Variants in NXPH1 observed in about 807,000 individuals in gnomAD.
NXPH1 encodes the protein neurexophilin 1.
Under a neutral mutation model 23.7 loss-of-function variants are expected in NXPH1, and 5 were observed. That is an observed-to-expected ratio of 0.21 (90% confidence interval 0.11 to 0.44). The LOEUF is 0.44. NXPH1 is among the 20% of genes least tolerant of loss of function. The pLI, the probability that NXPH1 is intolerant of heterozygous loss-of-function variation, is 0.99. For synonymous variants in NXPH1, 144 were observed against 122.2 expected (o/e 1.18, Z -1.18); for missense variants, 324 against 321.6 (o/e 1.01, Z -0.06).
At chr7:8,623,957 G>T (rs1819935436) in intron 2 of NXPH1, among the ~76,000 whole-genome samples, 1 of 152,030 alleles carries the variant, frequency 6.6e-6, no homozygotes, top group African/African-American at 2.4e-5. Flanking sequence ...AAAAATTTTT[G>T]AATCTAGTTT....
intron 2 of NXPH1, among the ~76,000 whole-genome samples, chr7:8,565,633 A>C (rs1187920062): frequency 6.6e-6 from 1 of 151,866 alleles, no homozygotes; most frequent in Admixed American, 6.6e-5. Flanking sequence ...TAGCAACAAA[A>C]TATTGAAATA....
At chr7:8,597,029 G>A (rs1460104717) in intron 2 of NXPH1, among the ~76,000 whole-genome samples, 1 of 152,098 alleles carries the variant, frequency 6.6e-6, no homozygotes, top group Non-Finnish European at 1.5e-5. Context: ...GTAAAGCACT[G>A]AGGATAAAGA....
intron 2 of NXPH1, among the ~76,000 whole-genome samples, chr7:8,515,448 A>G (rs1417248220): frequency 6.6e-6 from 1 of 152,150 alleles, no homozygotes; most frequent in Non-Finnish European, 1.5e-5. Flanking sequence ...TGGATACTTG[A>G]ACAGTTGGTT....
In NXPH1 at chr7:8,434,368, T is replaced by A. The variant is rs1816151176; in HGVS notation, c.-498T>A. ...GAGAGTCCTGGACTGTTCGTCCGGG[T>A]GCCAGCGCTGGCAGTCCCAGTCCGT... On this transcript the variant is annotated 5_prime_UTR_variant, in exon 1 of 3. Coordinates refer to ENST00000405863, the MANE Select transcript of NXPH1 (RefSeq NM_152745.3). This position sits in a 1 kb window ranked among gnomAD's most constrained non-coding sequence, Gnocchi z 7.6. 6.5e-6 allele frequency: 1 copy of A among 153,204 alleles called. No homozygotes were observed. The highest frequency in any genetic ancestry group is 2.4e-5 in the African/African-American group (1 of 41,444). 9.5% of individuals were successfully genotyped at this position (153,204 alleles called of 1,614,324 possible). A position where few individuals can be genotyped will look rare whatever the true frequency, so the allele number is the denominator to read the frequency against.
intron 2 of NXPH1, among the ~76,000 whole-genome samples, chr7:8,572,490 A>G (rs1030074574): frequency 2.0e-5 from 3 of 152,064 alleles, no homozygotes; most frequent in Non-Finnish European, 1.5e-5. Context: ...ACCTCATTCT[A>G]TAATCATAAT....
At chr7:8,504,578 T>A (rs949323887) in intron 2 of NXPH1, among the ~76,000 whole-genome samples, 3 of 152,044 alleles carry the variant, frequency 2.0e-5, no homozygotes, top group Non-Finnish European at 2.9e-5. Flanking sequence ...TTGTCTAAGA[T>A]TAATAGTAAA....
At chr7:8,677,441 G>A (rs1583226355) in intron 2 of NXPH1, among the ~76,000 whole-genome samples, 1 of 152,174 alleles carries the variant, frequency 6.6e-6, no homozygotes. Context: ...TTGTTAATAG[G>A]AAGAGTAGAC....
chr7:8,541,967 A>G (rs1264403901), intron 2 of NXPH1, among the ~76,000 whole-genome samples: 1 of 151,520 alleles, frequency 6.6e-6, no homozygotes. Context: ...TTAGAAAACT[A>G]ATAGCGAGAT....
intron 2 of NXPH1, among the ~76,000 whole-genome samples, chr7:8,573,955 G>A (rs1818702097): frequency 6.6e-6 from 1 of 152,080 alleles, no homozygotes; most frequent in Admixed American, 6.5e-5. Context: ...TCTATGTCAT[G>A]GAAACCTTTA....
At chr7:8,744,027 T>A (rs1020900193) in intron 2 of NXPH1, among the ~76,000 whole-genome samples, 2 of 152,172 alleles carry the variant, frequency 1.3e-5, no homozygotes, top group Non-Finnish European at 2.9e-5. Flanking sequence ...CACCATCCAA[T>A]GGTGGTTTTT....
intron 2 of NXPH1, among the ~76,000 whole-genome samples, chr7:8,581,907 A>G (rs1483122136): frequency 2.0e-5 from 3 of 152,134 alleles, no homozygotes; most frequent in South Asian, 4.1e-4. Flanking sequence ...GGCCAGTTGC[A>G]TCTTCTGCCC....
chr7:8,719,804 T>A (rs1443921702), intron 2 of NXPH1, among the ~76,000 whole-genome samples: 2 of 152,124 alleles, frequency 1.3e-5, no homozygotes, highest in African/African-American at 2.4e-5. Flanking sequence ...ACGACATAGA[T>A]CAATATAATT....
chr7:8,473,975 G>A (rs187909770), intron 2 of NXPH1, among the ~76,000 whole-genome samples: 2 of 152,262 alleles, frequency 1.3e-5, no homozygotes, highest in East Asian at 3.9e-4. Flanking sequence ...GGAGCTTGAT[G>A]AATAGCTGGA....
chr7:8,637,048 G>T (rs1820228055), intron 2 of NXPH1, among the ~76,000 whole-genome samples: 1 of 152,090 alleles, frequency 6.6e-6, no homozygotes, highest in Non-Finnish European at 1.5e-5. Flanking sequence ...ATCCTTTTGT[G>T]TACATTTTGT....
chr7:8,477,739 G>T (rs1817001446), intron 2 of NXPH1, among the ~76,000 whole-genome samples: 1 of 152,114 alleles, frequency 6.6e-6, no homozygotes, highest in Non-Finnish European at 1.5e-5. Context: ...AGTGTTTAAT[G>T]TGCTGCCTTA....
At chr7:8,649,263 T>C (rs1820450093) in intron 2 of NXPH1, among the ~76,000 whole-genome samples, 1 of 152,222 alleles carries the variant, frequency 6.6e-6, no homozygotes, top group South Asian at 2.1e-4. Flanking sequence ...AATTTTGCTA[T>C]CTTATTTTGT....
At chr7:8,634,292 CATG>C (rs1820181319) in intron 2 of NXPH1, among the ~76,000 whole-genome samples, 1 of 152,130 alleles carries the variant, frequency 6.6e-6, no homozygotes, top group Non-Finnish European at 1.5e-5. Flanking sequence ...TTCCCCTGCA[CATG>C]TTCTCTTGCC....
Position 8,585,074 on chromosome 7 carries a change from C to T in NXPH1, c.54+149307C>T, listed in dbSNP as rs184396191. On this transcript the variant is annotated intron_variant, in intron 2 of 2. Transcript: ENST00000405863. The stretch of plus-strand genomic sequence containing the variant: ...GTAGTGTTCAAAGTCTGGAAACTGG[C>T]CTACCTAATATTTTTACTGCTCTCT... Among the ~76,000 whole-genome samples the T allele has an allele frequency of 2.0e-3, 312 of 152,260 alleles. 3 individuals are homozygous for T. The highest frequency in any genetic ancestry group is 7.1e-3 in the African/African-American group (294 of 41,562).
chr7:8,680,159 A>G (rs1248327475), intron 2 of NXPH1, among the ~76,000 whole-genome samples: 2 of 152,268 alleles, frequency 1.3e-5, no homozygotes, highest in Non-Finnish European at 2.9e-5. Flanking sequence ...TGGTAATTGT[A>G]TAAAAGAAAT....
Sources: gnomAD v4.1 joint callset for allele counts (sites outside exome capture counted in the v4.1 genomes callset) on GRCh38, gnomAD v4.1.1 for gene constraint, Gnocchi (gnomAD v3.1) non-coding constraint, MANE v1.5 for transcripts, NCBI Gene and HGNC (gene_info 2026-07-23, HGNC 2026-07-21) for gene names.